The following AFDN variants were observed in gnomAD, a reference collection of about 807,000 sequenced individuals.
AFDN encodes the protein afadin.
A neutral mutation model predicts 216.6 loss-of-function variants in AFDN; 68 were observed. The observed-to-expected ratio is 0.31, with a 90% confidence interval of 0.26 to 0.38. The LOEUF (loss-of-function observed/expected upper bound fraction) is 0.38, where lower values mean the gene tolerates loss of function less well. Among genes scored for constraint, AFDN ranks in the 10% least tolerant of loss-of-function variants. The pLI is 1.00. For missense variants in AFDN, 2,136 were observed against 2,342.0 expected, an observed-to-expected ratio of 0.91 and a Z score of 1.82; for synonymous variants, 868 against 853.7, an observed-to-expected ratio of 1.02 and a Z score of -0.29.
intron 30 of AFDN, among the ~76,000 whole-genome samples, chr6:167,955,455 C>T (rs1796402240): frequency 6.6e-6 from 1 of 151,976 alleles, no homozygotes; most frequent in African/African-American, 2.4e-5. Flanking sequence ...TTTCTCCCTA[C>T]TTCTTTGTGT....
At chr6:167,913,521 C>G (rs1372097716) in intron 16 of AFDN, 98 bp downstream of exon 16, 1 of 1,106,130 alleles carries the variant, frequency 9.0e-7, no homozygotes, top group Non-Finnish European at 1.3e-6. Context: ...CTGGACTGAA[C>G]AGCTCATAAC....
At chr6:167,922,374 G>T (rs1191205977) in intron 21 of AFDN, among the ~76,000 whole-genome samples, 2 of 152,176 alleles carry the variant, frequency 1.3e-5, no homozygotes, top group African/African-American at 4.8e-5. Context: ...AGGACTCCTA[G>T]AATTGTTATA....
chr6:167,943,488 T>A lies in AFDN; in HGVS notation c.3239+13T>A. On this transcript the variant is annotated intron_variant, in intron 25 of 33. Transcript: ENST00000683244. ...TCTCTCAGGAAAGGTATCATTGATT[T>A]ATTTGCTTGAAGCATAGTATTAGCA... 1 of 1,604,440 alleles carries A rather than the reference T, an allele frequency of 6.2e-7. No individual in the cohort carries two copies. Among genetic ancestry groups the A allele is most frequent in the Non-Finnish European group, 8.5e-7 (1 of 1,171,208 alleles).
Position 167,915,164 on chromosome 6 carries a change from G to A in AFDN, c.2300-4G>A. 1.2e-6 allele frequency: 2 copies of A among 1,613,708 alleles called. No homozygotes were observed. Among genetic ancestry groups the A allele is most frequent in the Non-Finnish European group, 1.7e-6 (2 of 1,179,958 alleles). ...CCTCTTGTCCTCTCACCCTGTCTGG[G>A]CAGATGATGTGCTGCACACGCTCAC... On this transcript the variant is annotated splice_region_variant and splice_polypyrimidine_tract_variant and intron_variant, in intron 18 of 33. Coordinates refer to ENST00000683244, the MANE Select transcript of AFDN (RefSeq NM_001386888.1).
At chr6:167,963,950 C>T (rs974600095) in intron 31 of AFDN, 233 of 1,064,610 alleles carry the variant, frequency 2.2e-4, no homozygotes, top group Non-Finnish European at 2.5e-4. Flanking sequence ...TGTCCCAGGC[C>T]GTGCACAGTG....
At chr6:167,942,965 C>G (rs897640956) in intron 23 of AFDN, among the ~76,000 whole-genome samples, 164 bp from the exon 24 acceptor site, 1 of 152,158 alleles carries the variant, frequency 6.6e-6, no homozygotes, top group South Asian at 2.1e-4. Flanking sequence ...GCATGAATAA[C>G]TGATTTTTCA....
intron 15 of AFDN, among the ~76,000 whole-genome samples, chr6:167,912,675 G>A (rs1208800662): frequency 6.6e-6 from 1 of 152,126 alleles, no homozygotes; most frequent in African/African-American, 2.4e-5. Context: ...GACTTACTAA[G>A]CCTGTTTCGA....
At chr6:167,928,071 G>A (rs1201793378) in intron 23 of AFDN, among the ~76,000 whole-genome samples, 1 of 152,196 alleles carries the variant, frequency 6.6e-6, no homozygotes. Flanking sequence ...CAAGATCAGT[G>A]TCCACCTCTT....
At chr6:167,876,804 G>C (rs1269896611) in intron 5 of AFDN, among the ~76,000 whole-genome samples, 1 of 151,788 alleles carries the variant, frequency 6.6e-6, no homozygotes, top group Non-Finnish European at 1.5e-5. Context: ...GGAAGTTTTT[G>C]TATGTCAGTT....
intron 12 of AFDN, among the ~76,000 whole-genome samples, chr6:167,903,427 G>A (rs189010336): frequency 6.6e-6 from 1 of 152,214 alleles, no homozygotes; most frequent in Non-Finnish European, 1.5e-5. Flanking sequence ...TCGTAGTGTT[G>A]TGGGACCTCA....
At chr6:167,967,283 A>G (rs570116237) in intron 32 of AFDN, among the ~76,000 whole-genome samples, 3 of 152,292 alleles carry the variant, frequency 2.0e-5, no homozygotes, top group South Asian at 4.1e-4. Flanking sequence ...CAAATATTCT[A>G]AGAGTCAGTG....
intron 1 of AFDN, among the ~76,000 whole-genome samples, chr6:167,864,086 G>A (rs1474225228): frequency 1.3e-5 from 2 of 152,164 alleles, no homozygotes; most frequent in Non-Finnish European, 2.9e-5. Context: ...GACCTCACGG[G>A]CAGTACAGGC....
intron 1 of AFDN, among the ~76,000 whole-genome samples, chr6:167,848,746 A>G (rs971501278): frequency 1.3e-5 from 2 of 152,210 alleles, no homozygotes; most frequent in African/African-American, 4.8e-5. Flanking sequence ...ATTTGAAATA[A>G]TAATTTCAAT....
intron 1 of AFDN, among the ~76,000 whole-genome samples, chr6:167,837,966 T>C (rs1051937303): frequency 6.6e-6 from 1 of 152,238 alleles, no homozygotes; most frequent in Non-Finnish European, 1.5e-5. Context: ...CATATACTTA[T>C]GTGCATATAT....
chr6:167,843,240 A>G (rs1583121358), intron 1 of AFDN, among the ~76,000 whole-genome samples: 1 of 152,140 alleles, frequency 6.6e-6, no homozygotes, highest in South Asian at 2.1e-4. Flanking sequence ...TGTCCCCAAT[A>G]TTTCATCACC....
At chr6:167,860,335 T>C (rs1034668551) in intron 1 of AFDN, among the ~76,000 whole-genome samples, 4 of 152,188 alleles carry the variant, frequency 2.6e-5, no homozygotes, top group Non-Finnish European at 4.4e-5. Flanking sequence ...CAACCACAGC[T>C]GGCAGAATTA....
intron 29 of AFDN, among the ~76,000 whole-genome samples, chr6:167,950,441 C>T (rs1407558549): frequency 1.3e-5 from 2 of 151,600 alleles, no homozygotes; most frequent in Non-Finnish European, 2.9e-5. Context: ...CTCTGTCTCT[C>T]ACAGACACAC....
In AFDN at chr6:167,962,576, C is replaced by T. The variant is rs764558978; in HGVS notation, c.4968+9C>T. The T allele has an allele frequency of 2.0e-5, 32 of 1,613,778 alleles. No homozygotes were observed. The highest frequency in any genetic ancestry group is 3.3e-4 in the Middle Eastern group (2 of 6,060). ...GAGACGCTGAAGAAAAGGTTATGGT[C>T]CTTTAAGGGCAGCTAGAATTTTACC... is the stretch of plus-strand genomic sequence containing the variant. On this transcript the variant is annotated intron_variant, in intron 31 of 33. Transcript: ENST00000683244. This position sits in a 1 kb window ranked among gnomAD's most constrained non-coding sequence, Gnocchi z 5.2.
intron 1 of AFDN, among the ~76,000 whole-genome samples, chr6:167,860,502 C>T (rs1180288536): frequency 6.6e-6 from 1 of 152,178 alleles, no homozygotes; most frequent in African/African-American, 2.4e-5. Context: ...AAGAAGAAAA[C>T]TTCTCATTGT....
Sources: allele counts gnomAD v4.1 joint callset (sites outside exome capture counted in the v4.1 genomes callset), GRCh38; gene constraint gnomAD v4.1.1; non-coding constraint Gnocchi (gnomAD v3.1); transcripts MANE v1.5; gene names NCBI Gene and HGNC (gene_info 2026-07-23, HGNC 2026-07-21).